The following LRP2 variants were observed in gnomAD, a reference collection of about 807,000 sequenced individuals.
LRP2 encodes LDL receptor related protein 2, also known as low-density lipoprotein receptor-related protein 2.
Under a neutral mutation model 531.0 loss-of-function variants are expected in LRP2, and 172 were observed. The observed-to-expected ratio is 0.32, with a 90% CI of 0.29 to 0.37. The LOEUF (loss-of-function observed/expected upper bound fraction) is 0.37, where lower values mean the gene tolerates loss of function less well. LRP2 is among the 10% of genes least tolerant of loss of function. The probability of loss-of-function intolerance (pLI) is 1.00; values close to 1 mark genes in which losing one functional copy is unlikely to be tolerated. For missense variants in LRP2, 5,167 were observed against 5,868.3 expected (o/e 0.88, Z 3.90); for synonymous variants, 1,992 against 2,027.6 (o/e 0.98, Z 0.47).
At chr2:169,308,746 G>C (rs1258079171) in intron 3 of LRP2, among the ~76,000 whole-genome samples, 5 of 152,146 alleles carry the variant, frequency 3.3e-5, no homozygotes, top group Admixed American at 2.0e-4. Flanking sequence ...TCAGTAATGG[G>C]ATGGCTGGGT....
At chr2:169,358,217 T>TA (rs1326736514) in intron 1 of LRP2, among the ~76,000 whole-genome samples, 1 of 152,176 alleles carries the variant, frequency 6.6e-6, no homozygotes, top group Admixed American at 6.5e-5. Context: ...GGCATGAATC[T>TA]AAAAAATGGT....
In LRP2 at chr2:169,173,212, T is replaced by C. The variant is rs1687065836; in HGVS notation, c.11027A>G (p.His3676Arg). 6.2e-7 allele frequency: 1 copy of C among 1,614,164 alleles called. No individual in the cohort carries two copies. The highest frequency in any genetic ancestry group is 8.5e-7 in the Non-Finnish European group (1 of 1,180,018). The part of the protein sequence containing the change: ...EPIEECMSSA[H>R]LCDNFTEFSC... ...GAATTCTGTGAAGTTGTCACAGAGA[T>C]GGGCAGAGCTCACTGAAAAGGGAGG... Residue 3676 changes from histidine (H) to arginine (R), a missense_variant, in exon 57 of 79, where the codon CAT (histidine) becomes CGT (arginine). Around this residue, in one of 6 missense-constraint regions of LRP2, gnomAD observed 311 missense variants for 309.4 expected, o/e 1.01. Transcript: ENST00000649046.
chr2:169,162,253 A>G (rs991612330), intron 63 of LRP2, among the ~76,000 whole-genome samples: 5 of 152,216 alleles, frequency 3.3e-5, no homozygotes, highest in African/African-American at 1.2e-4. Flanking sequence ...AGATAATAAC[A>G]TCTAACTCAT....
At chr2:169,238,707 T>C (rs570268695) in intron 26 of LRP2, among the ~76,000 whole-genome samples, 3 of 152,236 alleles carry the variant, frequency 2.0e-5, no homozygotes, top group South Asian at 4.2e-4. Flanking sequence ...CCCTCAGCTA[T>C]GGTAGAGAGT....
At chr2:169,192,968 G>A (rs900362799) in intron 47 of LRP2, among the ~76,000 whole-genome samples, 6 of 152,138 alleles carry the variant, frequency 3.9e-5, no homozygotes, top group South Asian at 2.1e-4. Flanking sequence ...TTCTAACACC[G>A]ATTAGATTAA....
chr2:169,154,953 T>A (rs1400523391), intron 65 of LRP2, among the ~76,000 whole-genome samples: 1 of 152,206 alleles, frequency 6.6e-6, no homozygotes, highest in Non-Finnish European at 1.5e-5. Context: ...CAGACTAGAC[T>A]GCAGACATTC....
Position 169,173,932 on chromosome 2 carries a change from G to C in LRP2, c.11001C>G (p.Pro3667=), listed in dbSNP as rs1216796319. 6.2e-7 allele frequency: 1 copy of C among 1,614,028 alleles called. No homozygotes were observed. The highest frequency in any genetic ancestry group is 8.5e-7 in the Non-Finnish European group (1 of 1,180,028). Reference sequence around the variant, plus strand: ...ACAGGAACTTACTGCATTCTTCAATGGGCTCATCCGAGTGGTCTCCACAAT... The same window carrying C: ...ACAGGAACTTACTGCATTCTTCAATCGGCTCATCCGAGTGGTCTCCACAAT... ...DNDCGDHSDE[P]IEECMSSAHL... The change falls in exon 56 of 79, where the codon CCC becomes CCG. Residue 3667 remains proline, a synonymous_variant. Transcript: ENST00000649046.
At chr2:169,227,931 A>C (rs1248032834) in intron 31 of LRP2, among the ~76,000 whole-genome samples, 1 of 152,208 alleles carries the variant, frequency 6.6e-6, no homozygotes, top group Non-Finnish European at 1.5e-5. Context: ...AGGAAACAGT[A>C]ATAGGAGATG....
At chr2:169,317,417 AGGCC>A (rs1684792197) in intron 3 of LRP2, among the ~76,000 whole-genome samples, 1 of 152,202 alleles carries the variant, frequency 6.6e-6, no homozygotes, top group Non-Finnish European at 1.5e-5. Context: ...AGAGAATGTC[AGGCC>A]TTCAGGATGC....
chr2:169,127,123 C>T lies in LRP2; in HGVS notation c.*1540G>A, dbSNP rs1685126801. On this transcript the variant is annotated 3_prime_UTR_variant, in exon 79 of 79. Coordinates refer to ENST00000649046, the MANE Select transcript of LRP2 (RefSeq NM_004525.3). ...CACAGAAAACATCTGATAAAATACA[C>T]ATTTATTAGAACTTTTTCAGCAGCA... is the stretch of plus-strand genomic sequence containing the variant. 6.6e-6 allele frequency: 1 copy of T among 152,592 alleles called. No individual in the cohort carries two copies. The highest frequency in any genetic ancestry group is 6.5e-5 in the Admixed American group (1 of 15,284). 9.5% of individuals were successfully genotyped at this position (152,592 alleles called of 1,614,324 possible). A position where few individuals can be genotyped will look rare whatever the true frequency, so the allele number is the denominator to read the frequency against.
In LRP2 at chr2:169,157,501, A is replaced by G. The variant is rs1363397602; in HGVS notation, c.11889T>C (p.Asn3963=). 4 of 1,612,532 alleles carry G rather than the reference A, an allele frequency of 2.5e-6. No homozygotes were observed. The East Asian group carries it at 6.7e-5, about 27-fold the overall frequency. ...CGDWSDELGC[N]KGKERTCAEN... ...CAGCACATGTTCTTTCTTTTCCTTT[A>G]TCTGAAAAACAAAATCCCAGCATTA... is the stretch of plus-strand genomic sequence containing the variant. Residue 3963 remains asparagine (N), a splice_region_variant and synonymous_variant, in exon 64 of 79, where the codon AAT becomes AAC. Coordinates refer to ENST00000649046, the MANE Select transcript of LRP2 (RefSeq NM_004525.3).
At chr2:169,319,962 A>T (rs968500738) in intron 2 of LRP2, among the ~76,000 whole-genome samples, 2 of 152,332 alleles carry the variant, frequency 1.3e-5, no homozygotes, top group East Asian at 3.9e-4. Context: ...ACAATTCAAA[A>T]CAAAAATTTT....
intron 33 of LRP2, among the ~76,000 whole-genome samples, chr2:169,222,549 C>A (rs796188609): frequency 6.6e-6 from 1 of 152,126 alleles, no homozygotes; most frequent in Non-Finnish European, 1.5e-5. Flanking sequence ...CCATGGGGGA[C>A]AAATTCCAAG....
Position 169,186,019 on chromosome 2 carries a change from C to T in LRP2, c.9329G>A (p.Gly3110Asp), listed in dbSNP as rs893771985. 2 of 1,612,810 alleles carry T rather than the reference C, an allele frequency of 1.2e-6. No individual in the cohort carries two copies. Among genetic ancestry groups the T allele is most frequent in the Non-Finnish European group, 1.7e-6 (2 of 1,179,828 alleles). The change falls in exon 50 of 79, where the codon GGC becomes GAC. Residue 3110 changes from glycine to aspartate, a missense_variant and splice_region_variant. Physicochemically the swap from Gly to Asp is moderately conservative, Grantham distance 94. Transcript: ENST00000649046. The part of the protein sequence containing the change: ...CLDNSDEKGC[G>D]INECHDPSIS... Reference sequence around the variant, plus strand: ...TGAAGGGTCATGGCATTCATTAATGCCTGTAGGTAAAAAGCAGTTCTTAGA... The same window carrying T: ...TGAAGGGTCATGGCATTCATTAATGTCTGTAGGTAAAAAGCAGTTCTTAGA...
At chr2:169,147,408 G>A (rs183894765) in intron 68 of LRP2, among the ~76,000 whole-genome samples, 27 of 152,196 alleles carry the variant, frequency 1.8e-4, no homozygotes, top group African/African-American at 6.5e-4. Flanking sequence ...CTACACTCCT[G>A]GGCTCAAGCG....
At chr2:169,267,773 G>T (rs143116029) in intron 16 of LRP2, among the ~76,000 whole-genome samples, 2,797 of 152,178 alleles carry the variant, frequency 0.018, 26 homozygotes, top group Non-Finnish European at 0.03. Flanking sequence ...AACTGAAGGA[G>T]ATAGAGACAC....
intron 55 of LRP2, among the ~76,000 whole-genome samples, 174 bp downstream of exon 55, chr2:169,175,019 T>TAAAA (rs201393942): frequency 1.8e-5 from 2 of 108,730 alleles, no homozygotes; most frequent in Non-Finnish European, 4.0e-5. Flanking sequence ...TTAAGATTTC[T>TAAAA]AAAAAAAAAA....
intron 4 of LRP2, among the ~76,000 whole-genome samples, chr2:169,299,091 GAAAGAAAGAAAGAAA>G (rs1684207194): frequency 4.1e-3 from 10 of 2,456 alleles, no homozygotes; most frequent in African/African-American, 0.011. Context: ...AAGAAGGAAA[GAAAGAAAGAAAGAAA>G]GAAAGAAAGA....
chr2:169,186,039 C>A lies in LRP2; in HGVS notation c.9329-20G>T. ...TAATGCCTGTAGGTAAAAAGCAGTT[C>A]TTAGAGATCCTAAAATATCAACGAC... On this transcript the variant is annotated intron_variant, in intron 49 of 78. Transcript: ENST00000649046. The A allele has an allele frequency of 6.2e-7, 1 of 1,609,654 alleles. No homozygotes were observed. Among genetic ancestry groups the A allele is most frequent in the South Asian group, 1.1e-5 (1 of 90,718 alleles).
Sources: gnomAD v4.1 joint callset for allele counts (sites outside exome capture counted in the v4.1 genomes callset) on GRCh38, gnomAD v4.1.1 for gene constraint, gnomAD v4.1.1 regional missense constraint, MANE v1.5 for transcripts, NCBI Gene and HGNC (gene_info 2026-07-23, HGNC 2026-07-21) for gene names.